Variants in CEP192 observed in about 807,000 individuals in gnomAD.
CEP192 encodes centrosomal protein 192, also known as centrosomal protein of 192 kDa.
A neutral mutation model predicts 271.8 loss-of-function variants in CEP192; 151 were observed. The ratio of observed to expected loss-of-function variants is 0.56; its 90% CI spans 0.49 to 0.64. The LOEUF (loss-of-function observed/expected upper bound fraction) is 0.64, where lower values mean the gene tolerates loss of function less well. CEP192 is among the 30% of genes least tolerant of loss of function. CEP192 has a pLI of 0.00. For missense variants in CEP192, 2,910 were observed against 3,020.5 expected (o/e 0.96, Z 0.86); for synonymous variants, 995 against 1,076.5 (o/e 0.92, Z 1.48).
chr18:13,095,587 C>T lies in CEP192; in HGVS notation c.6339C>T (p.Leu2113=). ...AAGGTCCTCAGGGTTCTCCTCTTCT[C>T]TCACGGGCGGCTCGCCCGCCTCTGG... is the stretch of plus-strand genomic sequence containing the variant. ...PVKGPQGSPL[L]SRAARPPLDQ... Residue 2113 remains leucine, a synonymous_variant, in exon 35 of 45, where the codon CTC becomes CTT. Coordinates refer to ENST00000506447, the MANE Select transcript of CEP192 (RefSeq NM_032142.4). 1.2e-6 allele frequency: 2 copies of T among 1,614,210 alleles called. No homozygotes were observed. The highest frequency in any genetic ancestry group is 1.7e-6 in the Non-Finnish European group (2 of 1,180,020).
chr18:13,077,058 C>T (rs924651385), intron 30 of CEP192, among the ~76,000 whole-genome samples: 6 of 152,194 alleles, frequency 3.9e-5, no homozygotes, highest in South Asian at 2.1e-4. Flanking sequence ...GCTGAGATTA[C>T]GGGCGTGAGC....
chr18:13,027,389 G>T (rs949391618), intron 9 of CEP192, among the ~76,000 whole-genome samples: 4 of 152,146 alleles, frequency 2.6e-5, no homozygotes, highest in African/African-American at 9.7e-5. Context: ...AAAGCATGGG[G>T]CCCACCTATG....
At chr18:13,074,946 A>T (rs1047732943) in intron 30 of CEP192, among the ~76,000 whole-genome samples, 5 of 152,200 alleles carry the variant, frequency 3.3e-5, no homozygotes, top group African/African-American at 1.2e-4. Context: ...ATAAAGCATG[A>T]TAGGACTGCA....
intron 34 of CEP192, among the ~76,000 whole-genome samples, chr18:13,093,394 A>G (rs2039244466): frequency 6.6e-6 from 1 of 152,166 alleles, no homozygotes; most frequent in South Asian, 2.1e-4. Context: ...CACATGATGC[A>G]TTTGGTTATC....
chr18:13,059,920 A>G (rs1306269750), intron 21 of CEP192, among the ~76,000 whole-genome samples: 2 of 152,210 alleles, frequency 1.3e-5, no homozygotes, highest in East Asian at 3.8e-4. Flanking sequence ...TCATAGCCTT[A>G]GTTAACAACC....
intron 30 of CEP192, among the ~76,000 whole-genome samples, chr18:13,082,808 G>A (rs184987291): frequency 1.3e-5 from 2 of 152,136 alleles, no homozygotes; most frequent in Non-Finnish European, 2.9e-5. Flanking sequence ...CTCTTGTAAG[G>A]CAGGCCTGGT....
intron 28 of CEP192, among the ~76,000 whole-genome samples, chr18:13,072,047 CT>C (rs568180503): frequency 6.6e-6 from 1 of 152,188 alleles, no homozygotes; most frequent in Non-Finnish European, 1.5e-5. Flanking sequence ...CTGTGGAAGG[CT>C]TTTCCTGGAG....
chr18:13,018,289 C>T (rs979428601), intron 7 of CEP192, among the ~76,000 whole-genome samples, 191 bp from the exon 8 acceptor site: 2 of 152,162 alleles, frequency 1.3e-5, no homozygotes, highest in Non-Finnish European at 2.9e-5. Flanking sequence ...TCCCCGGCAA[C>T]TCTTCACTAG....
chr18:13,020,923 TTTG>T (rs1324091087), intron 9 of CEP192, among the ~76,000 whole-genome samples: 3 of 152,216 alleles, frequency 2.0e-5, no homozygotes, highest in African/African-American at 4.8e-5. Flanking sequence ...ATTGAGTTTT[TTTG>T]TTGTTGTTGA....
At chr18:13,066,376 C>T (rs542535518) in intron 21 of CEP192, among the ~76,000 whole-genome samples, 3 of 152,256 alleles carry the variant, frequency 2.0e-5, no homozygotes, top group African/African-American at 7.2e-5. Context: ...GGGTTACTAA[C>T]GCTTCTACTA....
At chr18:13,119,517 C>A (rs565716134) in intron 44 of CEP192, among the ~76,000 whole-genome samples, 1 of 152,084 alleles carries the variant, frequency 6.6e-6, no homozygotes. Context: ...CCGAGGTGGG[C>A]GGATCATGTG....
At chr18:13,107,429 T>A (rs1226634246) in intron 40 of CEP192, among the ~76,000 whole-genome samples, 1 of 152,164 alleles carries the variant, frequency 6.6e-6, no homozygotes, top group Non-Finnish European at 1.5e-5. Context: ...TAAAGAATGT[T>A]TTTGGAAAGC....
intron 9 of CEP192, among the ~76,000 whole-genome samples, chr18:13,022,917 T>C (rs2143308083): frequency 6.6e-6 from 1 of 152,382 alleles, no homozygotes; most frequent in East Asian, 1.9e-4. Context: ...GTTAGATTTA[T>C]ACCTAACTTA....
intron 22 of CEP192, 39 bp downstream of exon 22, chr18:13,067,995 G>A: frequency 6.2e-7 from 1 of 1,603,066 alleles, no homozygotes; most frequent in Non-Finnish European, 8.5e-7. Context: ...TTTACAGAAT[G>A]CACTGATCTT....
intron 40 of CEP192, among the ~76,000 whole-genome samples, chr18:13,108,389 A>G (rs1015653896): frequency 6.6e-6 from 1 of 152,198 alleles, no homozygotes; most frequent in African/African-American, 2.4e-5. Context: ...AGGAGAAAAC[A>G]TTCACAAACT....
intron 38 of CEP192, among the ~76,000 whole-genome samples, chr18:13,101,266 G>A (rs1464256700): frequency 6.6e-6 from 1 of 152,178 alleles, no homozygotes; most frequent in African/African-American, 2.4e-5. Context: ...TGAACTTTGT[G>A]TTAGAGGATT....
chr18:13,029,964 CAT>C lies in CEP192; in HGVS notation c.1353_1354del (p.Cys452Ter). The C allele has an allele frequency of 6.4e-7, 1 of 1,551,278 alleles. No individual in the cohort carries two copies. The highest frequency in any genetic ancestry group is 8.7e-7 in the Non-Finnish European group (1 of 1,146,668). On this transcript the variant is annotated frameshift_variant, in exon 10 of 45. Transcript: ENST00000506447. LOFTEE classifies it high-confidence loss of function. ...TGGTCACCAACTTGTGAAAGGCGAA[CAT>C]GTGAATGTCACGAGTCCATCGAAAA...
At chr18:13,019,790 G>A (rs2034878452) in intron 9 of CEP192, among the ~76,000 whole-genome samples, 1 of 150,884 alleles carries the variant, frequency 6.6e-6, no homozygotes, top group Non-Finnish European at 1.5e-5. Flanking sequence ...ATTTTAACTT[G>A]TAAAATACAT....
chr18:13,056,230 C>T lies in CEP192; in HGVS notation c.3640C>T (p.Gln1214Ter). ...AACTGCTGGCCGTGAGTTCAGTGGCCAGGTTTCTCATCAGACCACCTCTGA... is the reference window on the plus strand; with the variant it reads ...AACTGCTGGCCGTGAGTTCAGTGGCTAGGTTTCTCATCAGACCACCTCTGA... The part of the protein sequence containing the change: ...KSTAGREFSG[Q>*]VSHQTTSENQ... Residue 1214 changes from glutamine (Q) to a stop codon, truncating the protein, a stop_gained, in exon 19 of 45, where the codon CAG becomes TAG. Coordinates refer to ENST00000506447, the MANE Select transcript of CEP192 (RefSeq NM_032142.4). LOFTEE classifies it high-confidence loss of function. 6.2e-7 allele frequency: 1 copy of T among 1,614,006 alleles called. No homozygotes were observed. Among genetic ancestry groups the T allele is most frequent in the Non-Finnish European group, 8.5e-7 (1 of 1,179,912 alleles).
Sources: gnomAD v4.1 joint callset for allele counts (sites outside exome capture counted in the v4.1 genomes callset) on GRCh38, gnomAD v4.1.1 for gene constraint, MANE v1.5 for transcripts, NCBI Gene and HGNC (gene_info 2026-07-23, HGNC 2026-07-21) for gene names.